The following FOXP2 variants were observed in gnomAD, a reference collection of about 807,000 sequenced individuals.
The protein encoded by FOXP2 is forkhead box P2.
FOXP2 carries 12 observed loss-of-function variants against 115.8 expected under a neutral mutation model. That is an observed-to-expected ratio of 0.10 (90% confidence interval 0.07 to 0.17). FOXP2 has a LOEUF of 0.17. Ranked by LOEUF, FOXP2 falls within the 10% of genes least tolerant of loss-of-function variation. The probability of loss-of-function intolerance (pLI) is 1.00; values close to 1 mark genes in which losing one functional copy is unlikely to be tolerated. For missense variants in FOXP2, 629 were observed against 843.5 expected (o/e 0.75, Z 3.15); for synonymous variants, 328 against 297.7 (o/e 1.10, Z -1.05).
At chr7:114,187,603 C>T (rs1331630849) in intron 1 of FOXP2, among the ~76,000 whole-genome samples, 2 of 152,188 alleles carry the variant, frequency 1.3e-5, no homozygotes, top group Non-Finnish European at 2.9e-5. Context: ...CATGTAAATA[C>T]AGACTTTCCT....
chr7:114,153,236 G>A (rs912528224), intron 1 of FOXP2, among the ~76,000 whole-genome samples: 1 of 152,010 alleles, frequency 6.6e-6, no homozygotes, highest in Non-Finnish European at 1.5e-5. Flanking sequence ...AAAAAGAGTA[G>A]TGCCATAAAA....
chr7:114,098,158 C>T (rs1028716510), intron 1 of FOXP2, among the ~76,000 whole-genome samples: 3 of 151,984 alleles, frequency 2.0e-5, no homozygotes, highest in East Asian at 1.9e-4. Flanking sequence ...TAACAGAAAC[C>T]GGGGAGACGA....
At chr7:114,302,383 A>C (rs1393572219) in intron 2 of FOXP2, among the ~76,000 whole-genome samples, 1 of 152,170 alleles carries the variant, frequency 6.6e-6, no homozygotes, top group East Asian at 1.9e-4. Context: ...ACCTATATGG[A>C]AGTTCCTAGT....
At chr7:114,145,123 C>A (rs1038195271) in intron 1 of FOXP2, among the ~76,000 whole-genome samples, 17 of 152,106 alleles carry the variant, frequency 1.1e-4, no homozygotes, top group Non-Finnish European at 2.1e-4. Context: ...TTCTCCATGA[C>A]ATATTAAGCC....
chr7:114,231,671 G>T (rs1213893530), intron 1 of FOXP2, among the ~76,000 whole-genome samples: 3 of 152,136 alleles, frequency 2.0e-5, no homozygotes, highest in African/African-American at 4.8e-5. Context: ...ATATCCACAT[G>T]CCGAATAATG....
intron 3 of FOXP2, among the ~76,000 whole-genome samples, chr7:114,628,322 TAA>T (rs911343159): frequency 6.6e-6 from 1 of 152,152 alleles, no homozygotes. Flanking sequence ...CTATGGAACA[TAA>T]AGAGTTTGAT....
At chr7:114,209,014 A>G (rs1432803470) in intron 1 of FOXP2, among the ~76,000 whole-genome samples, 1 of 152,200 alleles carries the variant, frequency 6.6e-6, no homozygotes, top group Admixed American at 6.5e-5. Flanking sequence ...GTGGAATGAT[A>G]TGGTTTGGCT....
At chr7:114,539,727 A>G (rs188440778) in intron 3 of FOXP2, among the ~76,000 whole-genome samples, 40 of 152,160 alleles carry the variant, frequency 2.6e-4, no homozygotes, top group Non-Finnish European at 5.2e-4. Context: ...TGATGTTTCT[A>G]TCCATGACCA....
At chr7:114,391,134 C>G (rs941412924) in intron 2 of FOXP2, among the ~76,000 whole-genome samples, 4 of 151,948 alleles carry the variant, frequency 2.6e-5, no homozygotes, top group African/African-American at 7.3e-5. Flanking sequence ...TTGCAGTGAG[C>G]CAAGCTTGTG....
chr7:114,606,798 T>A (rs148194750), intron 3 of FOXP2, among the ~76,000 whole-genome samples: 2 of 152,290 alleles, frequency 1.3e-5, no homozygotes, highest in African/African-American at 4.8e-5. Context: ...ATATTAACAA[T>A]CAAATTAGAG....
intron 3 of FOXP2, among the ~76,000 whole-genome samples, chr7:114,620,749 T>C (rs896575733): frequency 2.6e-5 from 4 of 152,100 alleles, no homozygotes; most frequent in African/African-American, 9.6e-5. Flanking sequence ...CATAGTTTTA[T>C]AATCTAACCT....
At chr7:114,443,961 T>C (rs993530774) in intron 2 of FOXP2, among the ~76,000 whole-genome samples, 2 of 152,202 alleles carry the variant, frequency 1.3e-5, no homozygotes, top group African/African-American at 4.8e-5. Flanking sequence ...CTGGATCAAA[T>C]GGCAATTCTA....
At chr7:114,138,227 G>A (rs768815487) in intron 1 of FOXP2, among the ~76,000 whole-genome samples, 1 of 152,004 alleles carries the variant, frequency 6.6e-6, no homozygotes, top group Non-Finnish European at 1.5e-5. Context: ...GGCAATTTCT[G>A]TACAGAGAAT....
At chr7:114,198,336 A>G (rs1016594029) in intron 1 of FOXP2, among the ~76,000 whole-genome samples, 4 of 152,106 alleles carry the variant, frequency 2.6e-5, no homozygotes, top group African/African-American at 9.7e-5. Context: ...ACCATTTTCT[A>G]CCTGATGCAG....
At chr7:114,287,845 G>GA (rs1242264125) in intron 1 of FOXP2, among the ~76,000 whole-genome samples, 1 of 151,812 alleles carries the variant, frequency 6.6e-6, no homozygotes, top group Non-Finnish European at 1.5e-5. Context: ...TTAAAATGTA[G>GA]AAAAAGCATT....
chr7:114,163,424 T>C (rs1792891626), intron 1 of FOXP2, among the ~76,000 whole-genome samples: 1 of 152,056 alleles, frequency 6.6e-6, no homozygotes, highest in African/African-American at 2.4e-5. Flanking sequence ...CTTTTTGCTC[T>C]AAACTTTGTT....
chr7:114,579,670 A>G (rs1000137201), intron 3 of FOXP2, among the ~76,000 whole-genome samples: 3 of 152,140 alleles, frequency 2.0e-5, no homozygotes, highest in Admixed American at 2.0e-4. Context: ...TTTCACCAAC[A>G]CAGTTCACAT....
chr7:114,151,540 T>C (rs975228991), intron 1 of FOXP2, among the ~76,000 whole-genome samples: 14 of 152,100 alleles, frequency 9.2e-5, no homozygotes, highest in African/African-American at 3.4e-4. Context: ...TTTAAACTTA[T>C]GTAAGAGAGA....
intron 2 of FOXP2, among the ~76,000 whole-genome samples, chr7:114,362,313 A>C (rs1791769252): frequency 6.6e-6 from 1 of 152,116 alleles, no homozygotes; most frequent in African/African-American, 2.4e-5. Context: ...CTTAGGACAA[A>C]TGTTGTGATA....
Sources: gnomAD v4.1 joint callset for allele counts (sites outside exome capture counted in the v4.1 genomes callset) on GRCh38, gnomAD v4.1.1 for gene constraint, MANE v1.5 for transcripts, NCBI Gene and HGNC (gene_info 2026-07-23, HGNC 2026-07-21) for gene names.